Variants in NEXMIF observed in about 807,000 individuals in gnomAD.
NEXMIF encodes the protein XLMR protein related to neurite extension.
NEXMIF carries 8 observed loss-of-function variants against 62.1 expected under a neutral mutation model. The observed-to-expected ratio is 0.13, with a 90% confidence interval of 0.08 to 0.23. The LOEUF (loss-of-function observed/expected upper bound fraction) is 0.23, where lower values mean the gene tolerates loss of function less well. Ranked by LOEUF, NEXMIF falls within the 10% of genes least tolerant of loss-of-function variation. The pLI is 1.00. For missense variants in NEXMIF, 976 were observed against 1,113.3 expected, an observed-to-expected ratio of 0.88 and a Z score of 1.75; for synonymous variants, 404 against 416.6, an observed-to-expected ratio of 0.97 and a Z score of 0.37.
intron 1 of NEXMIF, among the ~76,000 whole-genome samples, chrX:74,785,691 G>T (rs149675719): frequency 9.9e-4 from 111 of 112,148 alleles, no homozygotes; most frequent in African/African-American, 3.2e-3. Flanking sequence ...TGTACACATG[G>T]ATTTGAGAAA....
chrX:74,820,677 G>T (rs140071317), intron 1 of NEXMIF, among the ~76,000 whole-genome samples: 326 of 111,881 alleles, frequency 2.9e-3, no homozygotes, highest in African/African-American at 9.7e-3. Context: ...CCATAAAAAA[G>T]AATGAAATCA....
chrX:74,740,322 C>G lies in NEXMIF; in HGVS notation c.4235G>C (p.Arg1412Pro). 8.3e-7 allele frequency: 1 copy of G among 1,211,409 alleles called. No homozygotes were observed. Among genetic ancestry groups the G allele is most frequent in the Non-Finnish European group, 1.1e-6 (1 of 895,274 alleles). ...CTCGTTATAACCAGGCATGTTTGCA[C>G]GACCAGGATCACCTATTGCTGTTTT... ...NGKTAIGDPG[R>P]ANMPGYNEDS... The change falls in exon 3 of 4, where the codon CGT (arginine) becomes CCT (proline). Residue 1412 changes from arginine (R) to proline (P), a missense_variant. Arg to Pro is a moderately radical substitution (Grantham distance 103, BLOSUM62 -2). Coordinates refer to ENST00000055682, the MANE Select transcript of NEXMIF (RefSeq NM_001008537.3).
intron 1 of NEXMIF, among the ~76,000 whole-genome samples, chrX:74,922,337 GGTGTGTGTGTGTGTGT>G (rs3040908): frequency 9.9e-6 from 1 of 100,561 alleles, no homozygotes; most frequent in Non-Finnish European, 2.0e-5. Flanking sequence ...GGGTGTTATG[GGTGTGTGTGTGTGTGT>G]GTGTGTGTGT....
At position 74,922,584 on chromosome X, in the gene NEXMIF, T is replaced by C. The variant is rs190239399; in HGVS notation, c.-48+2299A>G. On this transcript the variant is annotated intron_variant, in intron 1 of 3. Transcript: ENST00000055682. ...TCCGTGGTTCATTTAAATTATGTTA[T>C]GTTAACAATAGCTATTTGGTGAAGG... is the stretch of plus-strand genomic sequence containing the variant. Among the ~76,000 whole-genome samples, 17 of 112,350 alleles carry C rather than the reference T, an allele frequency of 1.5e-4. No individual in the cohort carries two copies. In the East Asian group the frequency reaches 3.9e-3, roughly 26 times the overall value.
At chrX:74,790,563 G>A (rs1466721395) in intron 1 of NEXMIF, among the ~76,000 whole-genome samples, 1 of 112,366 alleles carries the variant, frequency 8.9e-6, no homozygotes, top group Non-Finnish European at 1.9e-5. Flanking sequence ...AAATTACCTT[G>A]GGCAGTATGG....
intron 1 of NEXMIF, among the ~76,000 whole-genome samples, chrX:74,867,779 C>A (rs914073109): frequency 1.8e-5 from 2 of 112,095 alleles, no homozygotes; most frequent in Non-Finnish European, 3.8e-5. Context: ...TAAAAATTGA[C>A]AAGTGTGATC....
chrX:74,913,605 T>C (rs768348969), intron 1 of NEXMIF, among the ~76,000 whole-genome samples: 1 of 105,147 alleles, frequency 9.5e-6, no homozygotes, highest in Non-Finnish European at 1.9e-5. Context: ...AGGCACATCA[T>C]AGTCAAACTT....
chrX:74,811,287 C>T lies in NEXMIF; in HGVS notation c.-47-65590G>A, dbSNP rs779317309. Among the ~76,000 whole-genome samples, 3 of 111,961 alleles carry T rather than the reference C, an allele frequency of 2.7e-5. No homozygotes were observed. In the South Asian group the frequency reaches 1.1e-3, roughly 42 times the overall value. On this transcript the variant is annotated intron_variant, in intron 1 of 3. Transcript: ENST00000055682. ...TCTTCTAAGATAAGGCTTACATTGT[C>T]TACCTTCCAATCTCATCTCCAAATA... is the stretch of plus-strand genomic sequence containing the variant.
At chrX:74,907,303 G>A (rs965428790) in intron 1 of NEXMIF, among the ~76,000 whole-genome samples, 35 of 104,295 alleles carry the variant, frequency 3.4e-4, no homozygotes, top group Non-Finnish European at 6.2e-4. Context: ...AAACAGATAA[G>A]TAAAGCCCTT....
At chrX:74,818,368 G>C (rs941081597) in intron 1 of NEXMIF, among the ~76,000 whole-genome samples, 1 of 111,607 alleles carries the variant, frequency 9.0e-6, no homozygotes, top group African/African-American at 3.2e-5. Flanking sequence ...AACAAGCAAT[G>C]GGGAAAGGAC....
At chrX:74,845,846 T>C (rs1314580211) in intron 1 of NEXMIF, among the ~76,000 whole-genome samples, 2 of 110,684 alleles carry the variant, frequency 1.8e-5, no homozygotes, top group Non-Finnish European at 3.8e-5. Context: ...ATAACCTCTC[T>C]TAAAACATTT....
intron 1 of NEXMIF, among the ~76,000 whole-genome samples, chrX:74,791,497 G>C (rs2080282628): frequency 9.0e-6 from 1 of 111,268 alleles, no homozygotes; most frequent in Non-Finnish European, 1.9e-5. Flanking sequence ...CTCATAAAAT[G>C]AGTTAGGGAG....
chrX:74,875,039 G>C (rs1602260075), intron 1 of NEXMIF, among the ~76,000 whole-genome samples: 1 of 111,381 alleles, frequency 9.0e-6, no homozygotes. Context: ...TGTTGAATAG[G>C]AGTGGTGAGA....
intron 1 of NEXMIF, among the ~76,000 whole-genome samples, chrX:74,834,187 G>A (rs935021450): frequency 9.2e-6 from 1 of 109,075 alleles, no homozygotes; most frequent in Non-Finnish European, 1.9e-5. Flanking sequence ...AAAGTTCTAC[G>A]CTTAAACTTC....
chrX:74,873,356 T>C (rs1456163988), intron 1 of NEXMIF, among the ~76,000 whole-genome samples: 2 of 112,368 alleles, frequency 1.8e-5, no homozygotes, highest in African/African-American at 3.2e-5. Context: ...TTCCATGGTG[T>C]ATATGTGCCA....
intron 1 of NEXMIF, among the ~76,000 whole-genome samples, chrX:74,759,666 T>G (rs1339379709): frequency 8.9e-6 from 1 of 112,001 alleles, no homozygotes; most frequent in African/African-American, 3.3e-5. Context: ...ATTGCTTGTT[T>G]TTGTCCACTG....
chrX:74,806,294 T>A lies in NEXMIF; in HGVS notation c.-47-60597A>T, dbSNP rs1033863929. Reference sequence around the variant, plus strand: ...GGGACGGAGGGAGTGGGGCAAGGATTGAAAAACTAACTATTGGGTACTATG... The same window carrying A: ...GGGACGGAGGGAGTGGGGCAAGGATAGAAAAACTAACTATTGGGTACTATG... On this transcript the variant is annotated intron_variant, in intron 1 of 3. Transcript: ENST00000055682. Among the ~76,000 whole-genome samples, 9 of 111,037 alleles carry A rather than the reference T, an allele frequency of 8.1e-5. No homozygotes were observed. In the Admixed American group the frequency reaches 8.7e-4, roughly 11 times the overall value.
chrX:74,887,187 C>G (rs144600989), intron 1 of NEXMIF, among the ~76,000 whole-genome samples: 9,093 of 111,587 alleles, frequency 0.081, 925 homozygotes, highest in African/African-American at 0.28. Flanking sequence ...GACCTAAAAC[C>G]ATAAAAACCC....
At chrX:74,855,458 T>C (rs2080531649) in intron 1 of NEXMIF, among the ~76,000 whole-genome samples, 1 of 111,885 alleles carries the variant, frequency 8.9e-6, no homozygotes, top group African/African-American at 3.2e-5. Flanking sequence ...AGGCAATGCA[T>C]AATAGATGGG....
Sources: gnomAD v4.1 joint callset for allele counts (sites outside exome capture counted in the v4.1 genomes callset) on GRCh38, gnomAD v4.1.1 for gene constraint, MANE v1.5 for transcripts, NCBI Gene and HGNC (gene_info 2026-07-23, HGNC 2026-07-21) for gene names.